The following GBP6 variants were observed in gnomAD, a reference collection of about 807,000 sequenced individuals.
GBP6 encodes the protein guanylate binding protein family member 6, also known as guanylate-binding protein 6.
A neutral mutation model predicts 61.5 loss-of-function variants in GBP6; 54 were observed. The observed-to-expected ratio is 0.88, with a 90% CI of 0.71 to 1.10. GBP6 has a LOEUF of 1.10. Ranked by LOEUF, GBP6 falls within the 50% of genes least tolerant of loss-of-function variation. The pLI, the probability that GBP6 is intolerant of heterozygous loss-of-function variation, is 0.00. For missense variants in GBP6, 748 were observed against 752.8 expected, an observed-to-expected ratio of 0.99 and a Z score of 0.07; for synonymous variants, 255 against 273.7, an observed-to-expected ratio of 0.93 and a Z score of 0.67.
intron 8 of GBP6, 64 bp from the exon 9 acceptor site, chr1:89,383,588 G>A: frequency 8.6e-7 from 1 of 1,164,016 alleles, no homozygotes; most frequent in Non-Finnish European, 1.3e-6. Context: ...AATTGTTCTT[G>A]CAACACTAAT....
intron 8 of GBP6, among the ~76,000 whole-genome samples, chr1:89,383,104 T>G (rs960852346): frequency 3.3e-5 from 5 of 152,128 alleles, no homozygotes; most frequent in East Asian, 3.9e-4. Context: ...GTGGTGGTAA[T>G]AAACATAATA....
Position 89,387,567 on chromosome 1 carries a change from T to C in GBP6, c.*2098T>C, listed in dbSNP as rs1653175400. ...ATTATTTTCAATTGATAAAATATCATGAACTTTCCAGAGATCAGTGGTAAT... is the reference window on the plus strand; with the variant it reads ...ATTATTTTCAATTGATAAAATATCACGAACTTTCCAGAGATCAGTGGTAAT... On this transcript the variant is annotated 3_prime_UTR_variant, in exon 11 of 11. Coordinates refer to ENST00000370456, the MANE Select transcript of GBP6 (RefSeq NM_198460.3). Among the ~76,000 whole-genome samples the C allele has an allele frequency of 6.6e-6, 1 of 152,214 alleles. No individual in the cohort carries two copies. The highest frequency in any genetic ancestry group is 1.5e-5 in the Non-Finnish European group (1 of 68,026).
Position 89,382,750 on chromosome 1 carries a change from CT to C in GBP6, c.1240del (p.Ser414GlnfsTer4). On this transcript the variant is annotated frameshift_variant, in exon 8 of 11. Transcript: ENST00000370456. LOFTEE classifies it high-confidence loss of function. ...ACTGCCAGGCTAAACTCAATGAGCTCTCAAAGGGACTAATGGAAAGTATCTC... is the reference window on the plus strand; with the variant it reads ...ACTGCCAGGCTAAACTCAATGAGCTCCAAAGGGACTAATGGAAAGTATCTC... ...QYCQAKLNEL[S>X]KGLMESISAG... 1 of 1,613,984 alleles carries C rather than the reference CT, an allele frequency of 6.2e-7. No individual in the cohort carries two copies. The highest frequency in any genetic ancestry group is 2.2e-5 in the East Asian group (1 of 44,876).
chr1:89,381,782 G>A lies in GBP6; in HGVS notation c.960G>A (p.Gln320=). Residue 320 remains glutamine, a synonymous_variant, in exon 7 of 11, where the codon CAG becomes CAA. Coordinates refer to ENST00000370456, the MANE Select transcript of GBP6 (RefSeq NM_198460.3). ...CLENAVITLA[Q]RENSAAVQRA... ...AGAATGCAGTGATAACTCTGGCCCA[G>A]CGTGAGAACTCAGCGGCCGTGCAGA... The A allele has an allele frequency of 1.2e-6, 2 of 1,614,134 alleles. No homozygotes were observed. Among genetic ancestry groups the A allele is most frequent in the South Asian group, 2.2e-5 (2 of 91,078 alleles).
At chr1:89,384,357 T>C (rs1653076697) in intron 10 of GBP6, 71 bp downstream of exon 10, 6 of 1,227,946 alleles carry the variant, frequency 4.9e-6, no homozygotes, top group Non-Finnish European at 6.7e-6. Context: ...CTGGTGAAGG[T>C]TACAGCAACA....
At chr1:89,368,768 A>T (rs966733308) in intron 2 of GBP6, 27 bp downstream of exon 2, 1 of 1,590,988 alleles carries the variant, frequency 6.3e-7, no homozygotes, top group Non-Finnish European at 8.6e-7. Context: ...GACACAGGCC[A>T]GTTGCTTGAT....
chr1:89,375,524 C>A (rs181644288), intron 3 of GBP6, among the ~76,000 whole-genome samples: 4 of 152,080 alleles, frequency 2.6e-5, no homozygotes, highest in Non-Finnish European at 5.9e-5. Flanking sequence ...CCCAAAGGAA[C>A]GCAAATCATT....
At chr1:89,374,477 T>C (rs1303492993) in intron 3 of GBP6, among the ~76,000 whole-genome samples, 1 of 152,176 alleles carries the variant, frequency 6.6e-6, no homozygotes, top group Non-Finnish European at 1.5e-5. Context: ...CACATGGTAG[T>C]TCTATTTTTA....
chr1:89,375,612 T>TG (rs1652784076), intron 3 of GBP6, among the ~76,000 whole-genome samples: 1 of 151,990 alleles, frequency 6.6e-6, no homozygotes, highest in Non-Finnish European at 1.5e-5. Flanking sequence ...GATTTTTTTT[T>TG]GCTATTGAGT....
intron 3 of GBP6, 59 bp from the exon 4 acceptor site, chr1:89,378,042 ATG>A (rs970493884): frequency 7.1e-7 from 1 of 1,417,482 alleles, no homozygotes; most frequent in Non-Finnish European, 9.8e-7. Flanking sequence ...GACAAAATAA[ATG>A]TCTCAGTGAA....
In GBP6 at chr1:89,378,609, T is replaced by A. The variant is rs959968987; in HGVS notation, c.621T>A (p.Ile207=). 6.2e-7 allele frequency: 1 copy of A among 1,611,314 alleles called. No individual in the cohort carries two copies. Among genetic ancestry groups the A allele is most frequent in the African/African-American group, 1.3e-5 (1 of 74,966 alleles). The change falls in exon 5 of 11, where the codon ATT becomes ATA. Residue 207 remains isoleucine (I), a synonymous_variant. Transcript: ENST00000370456. ...DEYLENALKL[I]QGNNPRVQTS... is the part of the protein sequence containing the mutation. ...ACCTGGAGAATGCCTTGAAGCTGAT[T>A]CAAGGTATCAGAATGTGGCCTGGGC...
chr1:89,376,507 A>T (rs1207005913), intron 3 of GBP6, among the ~76,000 whole-genome samples: 2 of 152,212 alleles, frequency 1.3e-5, no homozygotes, highest in Non-Finnish European at 2.9e-5. Flanking sequence ...CATTAGTCAA[A>T]AATGAGTTCG....
rs1052074956 is a variant in GBP6, at chr1:89,383,890, C to A, written c.1468+136C>A. Reference sequence around the variant, plus strand: ...CACACTCTGCTAAATCTTAAAATAACAAGGGGAGCTATGATTGTACATCAG... The same window carrying A: ...CACACTCTGCTAAATCTTAAAATAAAAAGGGGAGCTATGATTGTACATCAG... On this transcript the variant is annotated intron_variant, in intron 9 of 10. Transcript: ENST00000370456. 6 of 830,758 alleles carry A rather than the reference C, an allele frequency of 7.2e-6. No homozygotes were observed. The African/African-American group carries it at 1.0e-4, about 14-fold the overall frequency. The allele number at this position is 830,758 out of a possible 1,614,324, so 51.5% of individuals were successfully genotyped here. A position where few individuals can be genotyped will look rare whatever the true frequency, so the allele number is the denominator to read the frequency against.
At chr1:89,371,231 A>G (rs894858318) in intron 3 of GBP6, among the ~76,000 whole-genome samples, 2 of 152,212 alleles carry the variant, frequency 1.3e-5, no homozygotes, top group African/African-American at 2.4e-5. Context: ...TACCAGAGGT[A>G]CAAGGAGGAG....
In GBP6 at chr1:89,385,480, G is replaced by A; in HGVS notation, c.*11G>A. On this transcript the variant is annotated 3_prime_UTR_variant, in exon 11 of 11. Coordinates refer to ENST00000370456, the MANE Select transcript of GBP6 (RefSeq NM_198460.3). ...AAGCTCCCCTTTTAAGGATATTATA[G>A]ATTGTACATATATGCTTTGGACTAT... 6.2e-7 allele frequency: 1 copy of A among 1,611,314 alleles called. No individual in the cohort carries two copies. The highest frequency in any genetic ancestry group is 1.1e-5 in the South Asian group (1 of 90,828).
chr1:89,371,070 C>T (rs746817643), intron 3 of GBP6, among the ~76,000 whole-genome samples: 7 of 152,116 alleles, frequency 4.6e-5, no homozygotes, highest in Admixed American at 2.0e-4. Flanking sequence ...TTTTAGATTC[C>T]ACAAATAGGT....
intron 4 of GBP6, 48 bp downstream of exon 4, chr1:89,378,260 T>C (rs779876851): frequency 6.3e-7 from 1 of 1,577,272 alleles, no homozygotes; most frequent in East Asian, 2.2e-5. Flanking sequence ...ATTGACTTTA[T>C]AGGAATGGAG....
Position 89,378,133 on chromosome 1 carries a change from G to T in GBP6, c.349G>T (p.Ala117Ser). The change falls in exon 4 of 11, where the codon GCC (alanine) becomes TCC (serine). Residue 117 changes from alanine (A) to serine (S), a missense_variant. Transcript: ENST00000370456. Reference protein sequence around the residue: ...GDPKNDSWIFALAVLLCSTFV... With the variant: ...GDPKNDSWIFSLAVLLCSTFV... ...CCCTAAGAATGACTCCTGGATCTTT[G>T]CCCTGGCTGTGCTCCTGTGCAGCAC... 1 of 1,613,292 alleles carries T rather than the reference G, an allele frequency of 6.2e-7. No individual in the cohort carries two copies. The highest frequency in any genetic ancestry group is 8.5e-7 in the Non-Finnish European group (1 of 1,179,780).
chr1:89,384,605 A>C (rs1653083742), intron 10 of GBP6, among the ~76,000 whole-genome samples: 1 of 152,208 alleles, frequency 6.6e-6, no homozygotes, highest in Admixed American at 6.5e-5. Flanking sequence ...TATGTTCCAC[A>C]CAGTGTATTT....
Sources: allele counts gnomAD v4.1 joint callset (sites outside exome capture counted in the v4.1 genomes callset), GRCh38; gene constraint gnomAD v4.1.1; transcripts MANE v1.5; gene names NCBI Gene and HGNC (gene_info 2026-07-23, HGNC 2026-07-21).